PTPRD: variants seen among roughly 807,000 people sequenced by gnomAD.
PTPRD encodes the protein receptor-type tyrosine-protein phosphatase delta.
Under a neutral mutation model 214.5 loss-of-function variants are expected in PTPRD, and 34 were observed. That is an observed-to-expected ratio of 0.16 (90% CI 0.12 to 0.21). The LOEUF (loss-of-function observed/expected upper bound fraction) is 0.21, where lower values mean the gene tolerates loss of function less well. Among genes scored for constraint, PTPRD ranks in the 10% least tolerant of loss-of-function variants. PTPRD has a pLI of 1.00. For synonymous variants in PTPRD, 1,128 were observed against 845.7 expected, an observed-to-expected ratio of 1.33 and a Z score of -5.79; for missense variants, 2,545 against 2,398.7, an observed-to-expected ratio of 1.06 and a Z score of -1.27.
intron 13 of PTPRD, 109 bp from the exon 14 acceptor site, chr9:8,633,567 C>T (rs1318069256): frequency 7.0e-6 from 9 of 1,278,182 alleles, no homozygotes; most frequent in Non-Finnish European, 8.6e-6. Context: ...ATAAACTAGG[C>T]ATCATTCTGA....
rs72694808 is a variant in PTPRD at position 10,049,647 on chromosome 9, C to A, written c.-544-15857G>T. On this transcript the variant is annotated intron_variant, in intron 3 of 45. Transcript: ENST00000381196. Reference sequence around the variant, plus strand: ...GTGAGGGATATTCATAGTTTTCCAACAGTAATGCTCTGCAGTTTATAAGAA... The same window carrying A: ...GTGAGGGATATTCATAGTTTTCCAAAAGTAATGCTCTGCAGTTTATAAGAA... Among the ~76,000 whole-genome samples the A allele has an allele frequency of 3.7e-3, 564 of 152,270 alleles. 1 individual carries two copies. Among genetic ancestry groups the A allele is most frequent in the Non-Finnish European group, 6.5e-3 (442 of 68,020 alleles).
At chr9:9,660,764 A>C (rs1329146779) in intron 7 of PTPRD, among the ~76,000 whole-genome samples, 1 of 151,954 alleles carries the variant, frequency 6.6e-6, no homozygotes, top group South Asian at 2.1e-4. Flanking sequence ...CTTTATTCCA[A>C]CATATACACA....
At chr9:8,732,379 T>G (rs2098669435) in intron 12 of PTPRD, among the ~76,000 whole-genome samples, 1 of 152,172 alleles carries the variant, frequency 6.6e-6, no homozygotes, top group Non-Finnish European at 1.5e-5. Context: ...TTGCCAAAAA[T>G]TAACAATGGT....
chr9:9,302,920 A>T (rs1284528494), intron 9 of PTPRD, among the ~76,000 whole-genome samples: 1 of 151,906 alleles, frequency 6.6e-6, no homozygotes, highest in Non-Finnish European at 1.5e-5. Flanking sequence ...ATTTTTGCTG[A>T]ACTTGCTTCA....
chr9:10,096,866 C>A (rs184313695), intron 3 of PTPRD, among the ~76,000 whole-genome samples: 1 of 151,676 alleles, frequency 6.6e-6, no homozygotes, highest in Non-Finnish European at 1.5e-5. Flanking sequence ...GGTTTTTATG[C>A]TTTTAGGTCT....
chr9:9,701,514 C>A (rs1345125155), intron 7 of PTPRD, among the ~76,000 whole-genome samples: 1 of 152,062 alleles, frequency 6.6e-6, no homozygotes, highest in Non-Finnish European at 1.5e-5. Flanking sequence ...AGCAACAAAC[C>A]ATAATACTTG....
intron 2 of PTPRD, among the ~76,000 whole-genome samples, chr9:10,394,917 T>C (rs1324372778): frequency 6.6e-6 from 1 of 151,516 alleles, no homozygotes; most frequent in African/African-American, 2.4e-5. Flanking sequence ...AATATGCATT[T>C]ACTGAATCAA....
chr9:9,723,302 C>A (rs1009129946), intron 7 of PTPRD, among the ~76,000 whole-genome samples: 2 of 152,028 alleles, frequency 1.3e-5, no homozygotes, highest in African/African-American at 2.4e-5. Context: ...TATCTTGGCA[C>A]CTTTGTCAAA....
At chr9:9,350,824 G>A (rs1259278609) in intron 9 of PTPRD, among the ~76,000 whole-genome samples, 1 of 152,012 alleles carries the variant, frequency 6.6e-6, no homozygotes, top group Non-Finnish European at 1.5e-5. Flanking sequence ...TCATGTTAAA[G>A]TAGTAAAAGG....
intron 37 of PTPRD, among the ~76,000 whole-genome samples, chr9:8,379,164 G>A (rs1177095401): frequency 6.6e-6 from 1 of 152,084 alleles, no homozygotes; most frequent in Non-Finnish European, 1.5e-5. Flanking sequence ...AAGCGGATAT[G>A]TCTAAATATT....
chr9:8,318,160 C>T (rs527489474), intron 45 of PTPRD, among the ~76,000 whole-genome samples: 1 of 152,000 alleles, frequency 6.6e-6, no homozygotes, highest in South Asian at 2.1e-4. Context: ...TTGACTAAAA[C>T]GATCTCCCAA....
intron 4 of PTPRD, among the ~76,000 whole-genome samples, chr9:10,029,279 G>A (rs1438388450): frequency 6.6e-6 from 1 of 152,154 alleles, no homozygotes; most frequent in East Asian, 1.9e-4. Flanking sequence ...ATGTGGGGTT[G>A]GAGCCCCCAT....
chr9:9,315,194 C>G (rs899665596), intron 9 of PTPRD, among the ~76,000 whole-genome samples: 3 of 151,974 alleles, frequency 2.0e-5, no homozygotes, highest in African/African-American at 7.2e-5. Flanking sequence ...CTGAATTTCA[C>G]CAAGCTTATT....
At chr9:10,085,637 G>A (rs948268396) in intron 3 of PTPRD, among the ~76,000 whole-genome samples, 1 of 151,538 alleles carries the variant, frequency 6.6e-6, no homozygotes, top group Non-Finnish European at 1.5e-5. Context: ...GAAGAATACT[G>A]GCGCCTGCCT....
intron 9 of PTPRD, among the ~76,000 whole-genome samples, chr9:9,219,461 T>A (rs988581178): frequency 6.6e-6 from 1 of 151,964 alleles, no homozygotes; most frequent in Admixed American, 6.6e-5. Flanking sequence ...ACCAAAGACA[T>A]GTCCTTAAAC....
chr9:8,811,688 T>C lies in PTPRD; in HGVS notation c.-103-77742A>G, dbSNP rs35551527. On this transcript the variant is annotated intron_variant, in intron 11 of 45. Transcript: ENST00000381196. ...CTATTAAAAGTATATATTCTCAACA[T>C]ATGTGCTTTTTCATATCACTGAAAA... Among the ~76,000 whole-genome samples, 1,330 of 152,232 alleles carry C rather than the reference T, an allele frequency of 8.7e-3. 8 individuals are homozygous for C. Among genetic ancestry groups the C allele is most frequent in the Non-Finnish European group, 0.014 (930 of 68,014 alleles).
chr9:10,094,180 CTCTG>C (rs1289055505), intron 3 of PTPRD, among the ~76,000 whole-genome samples: 1 of 151,376 alleles, frequency 6.6e-6, no homozygotes, highest in Non-Finnish European at 1.5e-5. Flanking sequence ...TAATATTTTA[CTCTG>C]TCTATCCTCC....
intron 5 of PTPRD, among the ~76,000 whole-genome samples, chr9:9,916,521 CTCTA>C (rs937389812): frequency 3.3e-5 from 5 of 151,658 alleles, no homozygotes; most frequent in African/African-American, 4.8e-5. Flanking sequence ...AAAATCCTCT[CTCTA>C]TATATATATA....
At chr9:8,476,238 C>T (rs1240181187) in intron 30 of PTPRD, among the ~76,000 whole-genome samples, 1 of 152,166 alleles carries the variant, frequency 6.6e-6, no homozygotes, top group Non-Finnish European at 1.5e-5. Flanking sequence ...GCATTAGATT[C>T]TCATAAAGAG....
Sources: allele counts gnomAD v4.1 joint callset (sites outside exome capture counted in the v4.1 genomes callset), GRCh38; gene constraint gnomAD v4.1.1; transcripts MANE v1.5; gene names NCBI Gene and HGNC (gene_info 2026-07-23, HGNC 2026-07-21).